The following DET1 variants were observed in gnomAD, a reference collection of about 807,000 sequenced individuals.
The protein encoded by DET1 is DET1 partner of COP1 E3 ubiquitin ligase.
Under a neutral mutation model 43.7 loss-of-function variants are expected in DET1, and 22 were observed. The observed-to-expected ratio is 0.50, with a 90% CI of 0.36 to 0.72. DET1 has a LOEUF of 0.72. Among genes scored for constraint, DET1 ranks in the 30% least tolerant of loss-of-function variants. The probability of loss-of-function intolerance (pLI) is 0.00; values close to 1 mark genes in which losing one functional copy is unlikely to be tolerated. For missense variants in DET1, 713 were observed against 713.3 expected (o/e 1.00, Z 0.00); for synonymous variants, 315 against 266.2 (o/e 1.18, Z -1.79).
At chr15:88,526,807 G>C (rs1009706425) in intron 3 of DET1, among the ~76,000 whole-genome samples, 4 of 152,212 alleles carry the variant, frequency 2.6e-5, no homozygotes, top group Non-Finnish European at 5.9e-5. Flanking sequence ...AGAGGTAAAA[G>C]AAGAGATAGT....
In DET1 at chr15:88,512,604, C is replaced by T; in HGVS notation, c.*347G>A. The T allele has an allele frequency of 9.7e-7, 1 of 1,033,630 alleles. No individual in the cohort carries two copies. Among genetic ancestry groups the T allele is most frequent in the Non-Finnish European group, 1.2e-6 (1 of 861,406 alleles). The allele number at this position is 1,033,630 out of a possible 1,614,324, so 64.0% of individuals were successfully genotyped here. A position where few individuals can be genotyped will look rare whatever the true frequency, so the allele number is the denominator to read the frequency against. On this transcript the variant is annotated 3_prime_UTR_variant, in exon 5 of 5. Transcript: ENST00000268148. Reference sequence around the variant, plus strand: ...AGATTTAACTGCTTTCAGATGCAAACCATAATGCCGAAGAAGTGACATGAA... The same window carrying T: ...AGATTTAACTGCTTTCAGATGCAAATCATAATGCCGAAGAAGTGACATGAA...
intron 1 of DET1, among the ~76,000 whole-genome samples, chr15:88,532,890 C>A (rs2056852373): frequency 6.6e-6 from 1 of 152,118 alleles, no homozygotes; most frequent in Admixed American, 6.5e-5. Context: ...GCAGTGATTT[C>A]TTGGATAAGA....
Position 88,513,024 on chromosome 15 carries a change from G to A in DET1, c.1580C>T (p.Pro527Leu). Residue 527 changes from proline (P) to leucine (L), a missense_variant, in exon 5 of 5, where the codon CCT becomes CTT. Pro to Leu is a moderately conservative substitution (Grantham distance 98, BLOSUM62 -3). Transcript: ENST00000268148. ...LVAFTFHPFEPFAISVQRTNA... is the reference protein window; with the variant it reads ...LVAFTFHPFELFAISVQRTNA... ...AGTCCTCTGCACAGAAATAGCGAAA[G>A]GCTCAAAAGGGTGAAAGGTGAAGGC... 1 of 1,614,066 alleles carries A rather than the reference G, an allele frequency of 6.2e-7. No homozygotes were observed. The highest frequency in any genetic ancestry group is 8.5e-7 in the Non-Finnish European group (1 of 1,179,900).
chr15:88,545,448 A>G (rs570342824), intron 1 of DET1, among the ~76,000 whole-genome samples: 4 of 152,278 alleles, frequency 2.6e-5, no homozygotes, highest in Non-Finnish European at 4.4e-5. Context: ...AAGTTCGAGA[A>G]TATCTAGATA....
At chr15:88,515,244 G>A (rs765287824) in intron 4 of DET1, among the ~76,000 whole-genome samples, 2 of 151,992 alleles carry the variant, frequency 1.3e-5, no homozygotes, top group Non-Finnish European at 2.9e-5. Context: ...AGAACCTACA[G>A]AATAAAAATG....
chr15:88,512,446 A>T (rs559274980), downstream of DET1: 453 of 985,922 alleles, frequency 4.6e-4, 1 homozygote, highest in Non-Finnish European at 5.3e-4. Flanking sequence ...ATTGAGTATG[A>T]TAGGAACATA....
chr15:88,543,161 G>C (rs11633528), intron 1 of DET1, among the ~76,000 whole-genome samples: 1 of 152,068 alleles, frequency 6.6e-6, no homozygotes, highest in Non-Finnish European at 1.5e-5. Flanking sequence ...GTCCATGAGA[G>C]CCAGGGAATT....
At chr15:88,546,200 G>A (rs2057249574) in intron 1 of DET1, 1 of 153,586 alleles carries the variant, frequency 6.5e-6, no homozygotes, top group Non-Finnish European at 1.5e-5. Context: ...CTCAAAGTGT[G>A]GCGTTTTCTC....
intron 3 of DET1, among the ~76,000 whole-genome samples, chr15:88,520,874 A>G (rs1002124711): frequency 5.9e-5 from 9 of 152,194 alleles, no homozygotes; most frequent in Admixed American, 1.3e-4. Flanking sequence ...ACAGAATGCC[A>G]TAGCTATTAC....
chr15:88,509,255 A>G (rs1162131255), downstream of DET1, among the ~76,000 whole-genome samples: 2 of 152,158 alleles, frequency 1.3e-5, no homozygotes, highest in African/African-American at 4.8e-5. Flanking sequence ...GGTTCAAGCA[A>G]TCCTCCCACC....
intron 3 of DET1, among the ~76,000 whole-genome samples, chr15:88,525,249 T>A (rs2142291728): frequency 6.6e-6 from 1 of 152,238 alleles, no homozygotes; most frequent in Admixed American, 6.5e-5. Context: ...GAAAATAGCA[T>A]CCTCTGCAAC....
chr15:88,517,082 A>G, intron 3 of DET1, 109 bp from the exon 4 acceptor site: 1 of 779,350 alleles, frequency 1.3e-6, no homozygotes, highest in Non-Finnish European at 2.0e-6. Flanking sequence ...TTAAATACAA[A>G]TTAAAACCTA....
At chr15:88,513,583 T>C (rs545953958) in intron 4 of DET1, among the ~76,000 whole-genome samples, 5 of 150,908 alleles carry the variant, frequency 3.3e-5, no homozygotes, top group Admixed American at 2.0e-4. Context: ...ATATCTAAAA[T>C]ATTATTTCAA....
chr15:88,539,965 C>T (rs2057060465), intron 1 of DET1, among the ~76,000 whole-genome samples: 1 of 151,832 alleles, frequency 6.6e-6, no homozygotes, highest in African/African-American at 2.4e-5. Flanking sequence ...AAACCTACAC[C>T]TGTCATGCTT....
At chr15:88,529,796 C>A (rs1217857051) in intron 2 of DET1, among the ~76,000 whole-genome samples, 1 of 152,188 alleles carries the variant, frequency 6.6e-6, no homozygotes, top group Non-Finnish European at 1.5e-5. Flanking sequence ...CTAACTTGGT[C>A]AACACTGAAG....
chr15:88,531,805 A>G lies in DET1; in HGVS notation c.-10-90T>C, dbSNP rs879834514. 1 of 1,303,520 alleles carries G rather than the reference A, an allele frequency of 7.7e-7. No individual in the cohort carries two copies. The highest frequency in any genetic ancestry group is 1.0e-6 in the Non-Finnish European group (1 of 972,662). 80.7% of individuals were successfully genotyped at this position (1,303,520 alleles called of 1,614,324 possible). On this transcript the variant is annotated intron_variant, in intron 1 of 4. Coordinates refer to ENST00000268148, the MANE Select transcript of DET1 (RefSeq NM_001144074.3). The surrounding 1 kb of genome is among the most constrained non-coding windows in gnomAD (Gnocchi z 6.2). ...ACAAGTGAAACAGATTTCTCTTCTT[A>G]TATCCTGAACCTAGGAGCTCCCAAG...
intron 7 of DET1, chr15:88,505,493 T>C (rs1208911442): frequency 6.6e-6 from 1 of 152,234 alleles, no homozygotes; most frequent in Non-Finnish European, 1.5e-5. Flanking sequence ...CCTTTTATTA[T>C]AATACCAAAT....
intron 1 of DET1, among the ~76,000 whole-genome samples, chr15:88,532,361 T>C (rs1405946331): frequency 1.3e-5 from 2 of 152,182 alleles, no homozygotes; most frequent in Non-Finnish European, 2.9e-5. Context: ...AAAATATTTA[T>C]TGGGCTGTTA....
At position 88,516,528 on chromosome 15, in the gene DET1, C is replaced by G. The variant is rs552060219; in HGVS notation, c.1463+254G>C. Among the ~76,000 whole-genome samples the G allele has an allele frequency of 2.0e-4, 31 of 152,332 alleles. No homozygotes were observed. Among genetic ancestry groups the G allele is most frequent in the Non-Finnish European group, 4.3e-4 (29 of 68,032 alleles). The stretch of plus-strand genomic sequence containing the variant: ...AAATGGGAAAGTACAGCTTCCTCCC[C>G]TGGATACCTTTAAAAGAGGACAACA... On this transcript the variant is annotated intron_variant, in intron 4 of 4. Coordinates refer to ENST00000268148, the MANE Select transcript of DET1 (RefSeq NM_001144074.3). The surrounding 1 kb of genome is among the most constrained non-coding windows in gnomAD (Gnocchi z 4.4).
Sources: gnomAD v4.1 joint callset for allele counts (sites outside exome capture counted in the v4.1 genomes callset) on GRCh38, gnomAD v4.1.1 for gene constraint, Gnocchi (gnomAD v3.1) non-coding constraint, MANE v1.5 for transcripts, NCBI Gene and HGNC (gene_info 2026-07-23, HGNC 2026-07-21) for gene names.